The following RIMS1 variants were observed in gnomAD, a reference collection of about 807,000 sequenced individuals.
RIMS1 encodes the protein regulating synaptic membrane exocytosis protein 1.
Under a neutral mutation model 214.1 loss-of-function variants are expected in RIMS1, and 83 were observed. That is an observed-to-expected ratio of 0.39 (90% CI 0.32 to 0.47). The LOEUF is 0.47. RIMS1 is among the 20% of genes least tolerant of loss of function. The pLI is 0.99. For synonymous variants in RIMS1, 793 were observed against 786.8 expected (o/e 1.01, Z -0.13); for missense variants, 2,050 against 2,161.8 (o/e 0.95, Z 1.03).
Position 72,068,826 on chromosome 6 carries a change from A to G in RIMS1, c.246-28123A>G, listed in dbSNP as rs374156117. 6.6e-4 allele frequency among the ~76,000 whole-genome samples: 100 copies of G among 151,620 alleles called. 1 individual carries two copies. The East Asian group carries it at 0.017, about 25-fold the overall frequency. ...CTCGGGAGGCTGAGGCAGGAGAATGACGTGAACTCGGGAGGCGGAGCTTGC... is the reference window on the plus strand; with the variant it reads ...CTCGGGAGGCTGAGGCAGGAGAATGGCGTGAACTCGGGAGGCGGAGCTTGC... On this transcript the variant is annotated intron_variant, in intron 2 of 33. Transcript: ENST00000521978.
At chr6:71,995,764 G>A (rs1021987957) in intron 2 of RIMS1, among the ~76,000 whole-genome samples, 1 of 152,058 alleles carries the variant, frequency 6.6e-6, no homozygotes, top group Non-Finnish European at 1.5e-5. Context: ...AAAGAAGAGA[G>A]CTTGAGCTCT....
intron 4 of RIMS1, among the ~76,000 whole-genome samples, chr6:72,127,571 A>G (rs2039769508): frequency 6.6e-6 from 1 of 152,290 alleles, no homozygotes; most frequent in Non-Finnish European, 1.5e-5. Flanking sequence ...CTATCAAAGC[A>G]TTATAAAGGC....
chr6:72,126,534 C>T (rs1206395081), intron 4 of RIMS1, among the ~76,000 whole-genome samples: 1 of 151,582 alleles, frequency 6.6e-6, no homozygotes, highest in Non-Finnish European at 1.5e-5. Flanking sequence ...CAACAAAGGA[C>T]TAATATCCTA....
chr6:72,164,968 T>C (rs1282079571), intron 4 of RIMS1, among the ~76,000 whole-genome samples: 1 of 152,176 alleles, frequency 6.6e-6, no homozygotes, highest in Non-Finnish European at 1.5e-5. Context: ...AGGGCTTCAA[T>C]AAATGAATCT....
At chr6:71,904,832 A>G (rs1774777767) in intron 1 of RIMS1, among the ~76,000 whole-genome samples, 1 of 152,156 alleles carries the variant, frequency 6.6e-6, no homozygotes, top group African/African-American at 2.4e-5. Flanking sequence ...TTACAAGTCT[A>G]TCTATAGAAC....
chr6:71,934,771 G>A (rs79974805), intron 1 of RIMS1, among the ~76,000 whole-genome samples: 2,952 of 152,268 alleles, frequency 0.019, 81 homozygotes, highest in African/African-American at 0.065. Flanking sequence ...CCAAATTCCT[G>A]CTGTTTAATA....
intron 6 of RIMS1, chr6:72,217,149 A>T (rs1455480653): frequency 6.5e-7 from 1 of 1,534,718 alleles, no homozygotes; most frequent in South Asian, 1.2e-5. Flanking sequence ...TAATGATTTG[A>T]TGCCAGTGGC....
intron 2 of RIMS1, among the ~76,000 whole-genome samples, chr6:72,038,118 A>T (rs9351884): frequency 0.053 from 694 of 12,984 alleles, no homozygotes; most frequent in Non-Finnish European, 0.064. Flanking sequence ...AAAAAAAAAA[A>T]ATATATATAT....
chr6:71,998,988 T>A (rs1474766182), intron 2 of RIMS1, among the ~76,000 whole-genome samples: 1 of 152,124 alleles, frequency 6.6e-6, no homozygotes, highest in Non-Finnish European at 1.5e-5. Flanking sequence ...TCTATTGGAT[T>A]AGTTCTGTAG....
rs545194418 is a variant in RIMS1 at position 72,252,184 on chromosome 6, T to C, written c.2699-577T>C. ...GTTAACAGCTGAAAGAAGCCTCATT[T>C]TGGTAATCTGGAACTAAATTATTTT... On this transcript the variant is annotated intron_variant, in intron 15 of 33. Transcript: ENST00000521978. 5.9e-5 allele frequency among the ~76,000 whole-genome samples: 9 copies of C among 152,322 alleles called. No homozygotes were observed. In the South Asian group the frequency reaches 1.9e-3, roughly 32 times the overall value.
chr6:72,010,191 A>G (rs969682859), intron 2 of RIMS1, among the ~76,000 whole-genome samples: 1 of 152,176 alleles, frequency 6.6e-6, no homozygotes, highest in Non-Finnish European at 1.5e-5. Context: ...AAATCAATAA[A>G]CGTAATCCAG....
chr6:72,166,792 T>C (rs1259992199), intron 4 of RIMS1, among the ~76,000 whole-genome samples: 1 of 152,158 alleles, frequency 6.6e-6, no homozygotes, highest in Non-Finnish European at 1.5e-5. Flanking sequence ...TGACTTAGTA[T>C]CTTGCTAATT....
intron 2 of RIMS1, among the ~76,000 whole-genome samples, chr6:71,969,798 G>A (rs1795385367): frequency 6.6e-6 from 1 of 152,120 alleles, no homozygotes; most frequent in Non-Finnish European, 1.5e-5. Context: ...GACAGAGTGA[G>A]ACCCTGTCTC....
intron 4 of RIMS1, among the ~76,000 whole-genome samples, chr6:72,104,765 C>A (rs2034382315): frequency 6.6e-6 from 1 of 152,088 alleles, no homozygotes; most frequent in African/African-American, 2.4e-5. Context: ...ACACTTCAGA[C>A]AATTTTCAGA....
chr6:72,253,605 A>G (rs1354565034), intron 16 of RIMS1, among the ~76,000 whole-genome samples: 1 of 152,174 alleles, frequency 6.6e-6, no homozygotes, highest in Admixed American at 6.5e-5. Flanking sequence ...AAATGTATAA[A>G]TATGAATTTT....
chr6:72,081,587 A>C (rs1312687958), intron 2 of RIMS1, among the ~76,000 whole-genome samples: 2 of 152,048 alleles, frequency 1.3e-5, no homozygotes, highest in Non-Finnish European at 2.9e-5. Flanking sequence ...TAAAATGGTA[A>C]GTTTTAAAAA....
intron 28 of RIMS1, 29 bp from the exon 29 acceptor site, chr6:72,333,571 G>A: frequency 6.9e-7 from 1 of 1,451,362 alleles, no homozygotes; most frequent in Middle Eastern, 1.7e-4. Context: ...ATTTATGGAT[G>A]CATATATGTT....
intron 2 of RIMS1, among the ~76,000 whole-genome samples, chr6:71,984,107 G>C (rs893887907): frequency 2.0e-5 from 3 of 152,056 alleles, no homozygotes; most frequent in Non-Finnish European, 4.4e-5. Context: ...TATTTCAATA[G>C]CTATAACCAG....
chr6:72,301,710 G>C (rs1297637909), intron 26 of RIMS1, among the ~76,000 whole-genome samples: 1 of 151,498 alleles, frequency 6.6e-6, no homozygotes, highest in Non-Finnish European at 1.5e-5. Flanking sequence ...AAGTAACCTA[G>C]AGATGAAAGT....
Sources: allele counts gnomAD v4.1 joint callset (sites outside exome capture counted in the v4.1 genomes callset), GRCh38; gene constraint gnomAD v4.1.1; transcripts MANE v1.5; gene names NCBI Gene and HGNC (gene_info 2026-07-23, HGNC 2026-07-21).